CEP250: variants seen among roughly 807,000 people sequenced by gnomAD.
CEP250 encodes centrosome-associated protein CEP250.
A neutral mutation model predicts 315.7 loss-of-function variants in CEP250; 242 were observed. The ratio of observed to expected loss-of-function variants is 0.77; its 90% CI spans 0.69 to 0.85. The LOEUF is 0.85. Ranked by LOEUF, CEP250 falls within the 40% of genes least tolerant of loss-of-function variation. The pLI is 0.00. For missense variants in CEP250, 2,515 were observed against 2,886.4 expected (o/e 0.87, Z 2.95); for synonymous variants, 1,088 against 1,175.0 (o/e 0.93, Z 1.51).
rs775257996 is a variant in CEP250 at position 35,505,010 on chromosome 20, G to C, written c.6636+5G>C. 3 of 1,595,032 alleles carry C rather than the reference G, an allele frequency of 1.9e-6. No homozygotes were observed. In the Admixed American group the frequency reaches 5.1e-5, roughly 27 times the overall value. ...TCAGAACAGCAAAGGCTGCAGGTAA[G>C]TCACTCCATGGGGAGTAAGGGCCAG... On this transcript the variant is annotated splice_donor_5th_base_variant and intron_variant, in intron 30 of 34. Coordinates refer to ENST00000397527, the MANE Select transcript of CEP250 (RefSeq NM_007186.6).
chr20:35,509,943 G>T, intron 33 of CEP250, 55 bp from the exon 34 acceptor site: 1 of 1,541,824 alleles, frequency 6.5e-7, no homozygotes, highest in Non-Finnish European at 9.0e-7. Flanking sequence ...GAAACTTGCA[G>T]AAACCCCAGA....
chr20:35,505,055 C>T (rs1360519368), intron 30 of CEP250, 50 bp downstream of exon 30: 6 of 1,484,424 alleles, frequency 4.0e-6, no homozygotes, highest in East Asian at 2.4e-5. Flanking sequence ...CCCTGTCTGG[C>T]TGAGCTCAGG....
intron 16 of CEP250, among the ~76,000 whole-genome samples, chr20:35,477,336 G>T (rs1206610245): frequency 1.3e-5 from 2 of 151,918 alleles, no homozygotes; most frequent in Admixed American, 6.6e-5. Flanking sequence ...TGTATTTTTA[G>T]TAGAGATGGG....
rs1383526720 is a variant in CEP250, at chr20:35,504,336, A to G, written c.5967A>G (p.Glu1989=). The change falls in exon 30 of 35, where the codon GAA becomes GAG. Residue 1989 remains glutamate, a synonymous_variant. Coordinates refer to ENST00000397527, the MANE Select transcript of CEP250 (RefSeq NM_007186.6). ...AGCAGCATCTCCTCGAGCAGGCAGA[A>G]TTGAGCCGCAGTCTGGAGGCCAGCA... ...GKEQHLLEQA[E]LSRSLEASTA... The G allele has an allele frequency of 6.3e-7, 1 of 1,592,564 alleles. No homozygotes were observed. Among genetic ancestry groups the G allele is most frequent in the East Asian group, 2.3e-5 (1 of 43,672 alleles).
At chr20:35,464,018 T>C (rs2062817508) in intron 5 of CEP250, among the ~76,000 whole-genome samples, 1 of 152,192 alleles carries the variant, frequency 6.6e-6, no homozygotes, top group African/African-American at 2.4e-5. Context: ...TTTGCCTTTG[T>C]TCCAGCTGCC....
intron 22 of CEP250, 72 bp downstream of exon 22, chr20:35,491,418 G>A (rs1197892319): frequency 4.6e-6 from 7 of 1,510,050 alleles, no homozygotes; most frequent in Non-Finnish European, 6.3e-6. Context: ...AAGGGTTCTT[G>A]GGCACTTCTT....
At chr20:35,509,913 T>G in intron 33 of CEP250, 85 bp from the exon 34 acceptor site, 18 of 1,218,756 alleles carry the variant, frequency 1.5e-5, no homozygotes, top group Non-Finnish European at 2.1e-5. Context: ...GCCCCTAAGA[T>G]TGTGATGAGG....
intron 15 of CEP250, 59 bp downstream of exon 15, chr20:35,475,705 C>T: frequency 1.3e-6 from 2 of 1,562,158 alleles, no homozygotes; most frequent in Non-Finnish European, 8.7e-7. Context: ...TGTTCCCATG[C>T]AGCCTGCCTC....
In CEP250 at chr20:35,511,638, A is replaced by C. The variant is rs774113176; in HGVS notation, c.*12A>C. The stretch of plus-strand genomic sequence containing the variant: ...CCGCCTCCAGGTAGCAGCCACAGCC[A>C]GGAGCACACAGACAGAAGACTGTGT... On this transcript the variant is annotated 3_prime_UTR_variant, in exon 35 of 35. Coordinates refer to ENST00000397527, the MANE Select transcript of CEP250 (RefSeq NM_007186.6). The C allele has an allele frequency of 6.2e-7, 1 of 1,603,850 alleles. No homozygotes were observed. The highest frequency in any genetic ancestry group is 8.5e-7 in the Non-Finnish European group (1 of 1,174,140).
At chr20:35,486,105 C>T (rs1281167708) in intron 20 of CEP250, among the ~76,000 whole-genome samples, 1 of 150,170 alleles carries the variant, frequency 6.7e-6, no homozygotes, top group Non-Finnish European at 1.5e-5. Context: ...AGCTCCGCCT[C>T]CTGGGTTCAA....
At chr20:35,501,523 C>A (rs541957409) in intron 28 of CEP250, among the ~76,000 whole-genome samples, 1 of 152,108 alleles carries the variant, frequency 6.6e-6, no homozygotes, top group Non-Finnish European at 1.5e-5. Context: ...CTAGAAGGAA[C>A]CTCCAGTGTC....
In CEP250 at chr20:35,503,424, G is replaced by A; in HGVS notation, c.5055G>A (p.Leu1685=). 6.2e-7 allele frequency: 1 copy of A among 1,614,190 alleles called. No homozygotes were observed. Among genetic ancestry groups the A allele is most frequent in the East Asian group, 2.2e-5 (1 of 44,894 alleles). ...AGACCAAGATCCTGGAGGAGGACCT[G>A]GAACAGATCAAGCTGTCCTTGAGAG... ...TRQTKILEED[L]EQIKLSLRER... is the part of the protein sequence containing the mutation. Residue 1685 remains leucine, a synonymous_variant, in exon 30 of 35, where the codon CTG becomes CTA. Coordinates refer to ENST00000397527, the MANE Select transcript of CEP250 (RefSeq NM_007186.6). The surrounding 1 kb of genome is among the most constrained non-coding windows in gnomAD (Gnocchi z 4.2).
rs2147034192 is a variant in CEP250, at chr20:35,490,702, A to G, written c.2652A>G (p.Lys884=). 6.2e-7 allele frequency: 1 copy of G among 1,613,864 alleles called. No homozygotes were observed. Among genetic ancestry groups the G allele is most frequent in the African/African-American group, 1.3e-5 (1 of 75,020 alleles). ...AKALESLERE[K]MELEMRLKEQ... is the part of the protein sequence containing the mutation. ...CTCTGGAGAGCTTAGAAAGGGAAAA[A>G]ATGGAGCTGGAAATGAGGCTAAAGG... is the stretch of plus-strand genomic sequence containing the variant. Residue 884 remains lysine, a synonymous_variant, in exon 21 of 35, where the codon AAA becomes AAG. Transcript: ENST00000397527.
chr20:35,478,253 A>G (rs2063230261), intron 17 of CEP250, 152 bp downstream of exon 17: 1 of 643,292 alleles, frequency 1.6e-6, no homozygotes, highest in African/African-American at 1.8e-5. Flanking sequence ...TTCCAATTTT[A>G]AAAAAGAATG....
At position 35,477,976 on chromosome 20, in the gene CEP250, C is replaced by G. The variant is rs1280319031; in HGVS notation, c.1969C>G (p.Leu657Val). Residue 657 changes from leucine (L) to valine (V), a missense_variant, in exon 17 of 35, where the codon CTG becomes GTG. Coordinates refer to ENST00000397527, the MANE Select transcript of CEP250 (RefSeq NM_007186.6). Reference protein sequence around the residue: ...LAEAEKRREALWEKNTHLEAQ... With the variant: ...LAEAEKRREAVWEKNTHLEAQ... Reference sequence around the variant, plus strand: ...GGAGGCAGAGAAGAGGAGGGAAGCCCTGTGGGAAAAGAACACTCACCTGGA... The same window carrying G: ...GGAGGCAGAGAAGAGGAGGGAAGCCGTGTGGGAAAAGAACACTCACCTGGA... 6.2e-7 allele frequency: 1 copy of G among 1,613,650 alleles called. No homozygotes were observed. The highest frequency in any genetic ancestry group is 8.5e-7 in the Non-Finnish European group (1 of 1,179,844).
chr20:35,461,817 A>T (rs1049822842), intron 3 of CEP250, among the ~76,000 whole-genome samples: 1 of 152,258 alleles, frequency 6.6e-6, no homozygotes, highest in Non-Finnish European at 1.5e-5. Flanking sequence ...ACAGCCCTCC[A>T]GAAGCACTCA....
In CEP250 at chr20:35,479,566, A is replaced by G. The variant is rs185175132; in HGVS notation, c.2289-80A>G. 75 of 1,569,638 alleles carry G rather than the reference A, an allele frequency of 4.8e-5. No homozygotes were observed. In the East Asian group the frequency reaches 1.0e-3, roughly 22 times the overall value. ...CCCCCCTAACTTCTCCAGGTAGCCAATACTTAGAACCCAGCTCCTCTTGAG... is the reference window on the plus strand; with the variant it reads ...CCCCCCTAACTTCTCCAGGTAGCCAGTACTTAGAACCCAGCTCCTCTTGAG... On this transcript the variant is annotated intron_variant, in intron 18 of 34. Coordinates refer to ENST00000397527, the MANE Select transcript of CEP250 (RefSeq NM_007186.6).
At chr20:35,507,650 A>C in intron 30 of CEP250, 88 bp from the exon 31 acceptor site, 1 of 976,474 alleles carries the variant, frequency 1.0e-6, no homozygotes, top group Middle Eastern at 2.1e-4. Flanking sequence ...CCTGAGGAGA[A>C]CATTGAACCG....
upstream of CEP250, chr20:35,455,418 C>T (rs1211381466): frequency 1.3e-5 from 2 of 152,318 alleles, no homozygotes; most frequent in Admixed American, 6.5e-5. Flanking sequence ...GCCCGCTTGC[C>T]TCAGCTTCTT....
Sources: allele counts gnomAD v4.1 joint callset (sites outside exome capture counted in the v4.1 genomes callset), GRCh38; gene constraint gnomAD v4.1.1; non-coding constraint Gnocchi (gnomAD v3.1); transcripts MANE v1.5; gene names NCBI Gene and HGNC (gene_info 2026-07-23, HGNC 2026-07-21).